The following NRG1 variants were observed in gnomAD, a reference collection of about 807,000 sequenced individuals.
The protein encoded by NRG1 is pro-neuregulin-1, membrane-bound isoform.
In NRG1, 18 loss-of-function variants were observed where a neutral mutation model predicts 63.8. The observed-to-expected ratio is 0.28, with a 90% CI of 0.19 to 0.42. The LOEUF is 0.42. Ranked by LOEUF, NRG1 falls within the 10% of genes least tolerant of loss-of-function variation. NRG1 has a pLI of 1.00. For synonymous variants in NRG1, 302 were observed against 301.3 expected, an observed-to-expected ratio of 1.00 and a Z score of -0.02; for missense variants, 762 against 814.7, an observed-to-expected ratio of 0.94 and a Z score of 0.79.
At chr8:31,746,971 A>G (rs1306496069) in intron 1 of NRG1, among the ~76,000 whole-genome samples, 3 of 151,854 alleles carry the variant, frequency 2.0e-5, no homozygotes, top group Non-Finnish European at 4.4e-5. Context: ...CAATTGAACT[A>G]ATGGACCTAG....
intron 1 of NRG1, among the ~76,000 whole-genome samples, chr8:32,235,779 G>T (rs993200783): frequency 6.6e-6 from 1 of 152,126 alleles, no homozygotes; most frequent in Non-Finnish European, 1.5e-5. Flanking sequence ...TTGGTTCTAG[G>T]AGTTTGGCTC....
At chr8:32,555,633 G>A (rs1260337712) in intron 1 of NRG1, among the ~76,000 whole-genome samples, 5 of 152,054 alleles carry the variant, frequency 3.3e-5, no homozygotes, top group African/African-American at 4.8e-5. Flanking sequence ...CACCACGCCC[G>A]GCTGATTTTT....
At chr8:32,178,329 G>A (rs1454368749) in intron 1 of NRG1, among the ~76,000 whole-genome samples, 11 of 152,150 alleles carry the variant, frequency 7.2e-5, no homozygotes, top group Non-Finnish European at 1.6e-4. Flanking sequence ...GACCACCCTG[G>A]TCAGGCTCGA....
chr8:31,706,599 A>G (rs747481608), intron 1 of NRG1, among the ~76,000 whole-genome samples: 11 of 152,218 alleles, frequency 7.2e-5, no homozygotes, highest in Non-Finnish European at 1.6e-4. Context: ...AAGTTTATGA[A>G]TGTTGATCAG....
intron 1 of NRG1, among the ~76,000 whole-genome samples, chr8:32,312,634 C>T (rs186418185): frequency 8.0e-4 from 122 of 152,114 alleles, no homozygotes; most frequent in African/African-American, 2.8e-3. Flanking sequence ...TCCATTCCCA[C>T]GAGAGACCGT....
chr8:32,262,159 T>C (rs1324653180), intron 1 of NRG1, among the ~76,000 whole-genome samples: 1 of 152,214 alleles, frequency 6.6e-6, no homozygotes, highest in Non-Finnish European at 1.5e-5. Flanking sequence ...CAGCATTCTT[T>C]ACCAATTCAG....
At chr8:32,047,492 T>G (rs548145964) in intron 1 of NRG1, among the ~76,000 whole-genome samples, 2 of 152,136 alleles carry the variant, frequency 1.3e-5, no homozygotes, top group African/African-American at 4.8e-5. Context: ...AAAAAGGAAG[T>G]GTGCATCAAT....
intron 1 of NRG1, among the ~76,000 whole-genome samples, chr8:32,344,324 C>CTCTTTCTT (rs765116407): frequency 0.064 from 4,075 of 63,988 alleles, 231 homozygotes; most frequent in African/African-American, 0.077. Context: ...TTCCTTCTTT[C>CTCTTTCTT]TCTTTCTTTC....
chr8:32,342,877 G>A (rs564218888), intron 1 of NRG1, among the ~76,000 whole-genome samples: 71 of 152,250 alleles, frequency 4.7e-4, no homozygotes, highest in African/African-American at 1.7e-3. Flanking sequence ...ACAGTAGATG[G>A]GCTTATATTC....
At chr8:32,499,273 A>G (rs548170950) in intron 1 of NRG1, among the ~76,000 whole-genome samples, 31 of 152,336 alleles carry the variant, frequency 2.0e-4, no homozygotes, top group Non-Finnish European at 4.1e-4. Flanking sequence ...GAATAATCAC[A>G]CACTTAAAGA....
chr8:31,880,186 A>C, intron 1 of NRG1, among the ~76,000 whole-genome samples: 1 of 152,208 alleles, frequency 6.6e-6, no homozygotes, highest in East Asian at 1.9e-4. Flanking sequence ...TACTGAGAGC[A>C]TTTAAGAGTC....
chr8:32,470,823 C>T (rs564214689), intron 1 of NRG1, among the ~76,000 whole-genome samples: 65 of 151,582 alleles, frequency 4.3e-4, no homozygotes, highest in African/African-American at 1.5e-3. Context: ...CTTCTTCAGT[C>T]AGGGTTTTGC....
intron 1 of NRG1, among the ~76,000 whole-genome samples, chr8:32,332,865 T>C (rs1043111512): frequency 6.6e-6 from 1 of 152,186 alleles, no homozygotes; most frequent in East Asian, 1.9e-4. Flanking sequence ...ATGGTAAAAA[T>C]TGCTTTTTAA....
intron 1 of NRG1, among the ~76,000 whole-genome samples, chr8:32,334,163 G>A (rs1399970131): frequency 6.6e-6 from 1 of 152,100 alleles, no homozygotes; most frequent in Non-Finnish European, 1.5e-5. Context: ...TTAGGACTTG[G>A]AATATGACCT....
At chr8:32,215,514 C>T (rs1266703951) in intron 1 of NRG1, among the ~76,000 whole-genome samples, 1 of 152,192 alleles carries the variant, frequency 6.6e-6, no homozygotes, top group Non-Finnish European at 1.5e-5. Flanking sequence ...CACTAATCCT[C>T]ACACACTTAT....
At chr8:32,720,465 T>C (rs1263216154) in intron 5 of NRG1, among the ~76,000 whole-genome samples, 2 of 152,104 alleles carry the variant, frequency 1.3e-5, no homozygotes, top group Non-Finnish European at 2.9e-5. Flanking sequence ...TAAGTATTGA[T>C]GGAAAAAGAT....
At chr8:31,780,582 A>C in intron 1 of NRG1, among the ~76,000 whole-genome samples, 1 of 152,172 alleles carries the variant, frequency 6.6e-6, no homozygotes, top group Non-Finnish European at 1.5e-5. Flanking sequence ...TTTTCTATTG[A>C]CCTGCGTTAG....
chr8:32,702,560 A>C (rs1815205944), intron 5 of NRG1, among the ~76,000 whole-genome samples: 1 of 152,004 alleles, frequency 6.6e-6, no homozygotes, highest in Non-Finnish European at 1.5e-5. Flanking sequence ...AGTCTTGGCT[A>C]ACTACCACCT....
chr8:32,303,242 C>T (rs1855817652), intron 1 of NRG1, among the ~76,000 whole-genome samples: 1 of 136,920 alleles, frequency 7.3e-6, no homozygotes, highest in Non-Finnish European at 1.6e-5. Flanking sequence ...GAACATGTAA[C>T]TTACACAAAA....
Sources: allele counts gnomAD v4.1 joint callset (sites outside exome capture counted in the v4.1 genomes callset), GRCh38; gene constraint gnomAD v4.1.1; transcripts MANE v1.5; gene names NCBI Gene and HGNC (gene_info 2026-07-23, HGNC 2026-07-21).